The following TMBIM4 variants were observed in gnomAD, a reference collection of about 807,000 sequenced individuals.
The protein encoded by TMBIM4 is transmembrane BAX inhibitor motif containing 4, also known as protein lifeguard 4.
In TMBIM4, 28 loss-of-function variants were observed where a neutral mutation model predicts 27.7. The observed-to-expected ratio is 1.01, with a 90% CI of 0.75 to 1.38. The LOEUF is 1.38. Among genes scored for constraint, TMBIM4 ranks in the 40% most tolerant of loss-of-function variants. The pLI is 0.00. For missense variants in TMBIM4, 265 were observed against 277.5 expected (o/e 0.95, Z 0.32); for synonymous variants, 115 against 113.1 (o/e 1.02, Z -0.11).
intron 1 of TMBIM4, among the ~76,000 whole-genome samples, chr12:66,153,850 T>A (rs2051891665): frequency 6.6e-6 from 1 of 152,188 alleles, no homozygotes. Context: ...TAAGTTTTTT[T>A]ATGTCTTAAT....
chr12:66,155,884 C>T (rs1468530821), intron 1 of TMBIM4, among the ~76,000 whole-genome samples: 2 of 152,128 alleles, frequency 1.3e-5, no homozygotes, highest in African/African-American at 4.8e-5. Context: ...GGCAGTAGTA[C>T]TAAGGATAAT....
At chr12:66,152,406 T>G (rs755934210) in intron 2 of TMBIM4, 30 bp from the exon 3 acceptor site, 28 of 1,484,088 alleles carry the variant, frequency 1.9e-5, no homozygotes, top group African/African-American at 2.8e-5. Flanking sequence ...GTGTTTCAAG[T>G]TAAAGAAAAA....
At chr12:66,149,268 C>T (rs961183896) in intron 3 of TMBIM4, among the ~76,000 whole-genome samples, 38 of 151,510 alleles carry the variant, frequency 2.5e-4, no homozygotes, top group Non-Finnish European at 1.6e-4. Flanking sequence ...CAGCAAAACC[C>T]CCTCTCTACG....
intron 1 of TMBIM4, among the ~76,000 whole-genome samples, chr12:66,167,375 C>CAAGCAGAAAGGG (rs1328377808): frequency 6.6e-6 from 1 of 152,204 alleles, no homozygotes; most frequent in Admixed American, 6.5e-5. Context: ...TATAAGAACT[C>CAAGCAGAAAGGG]TGTTCTTTCT....
At chr12:66,142,183 A>G (rs2051679458) in intron 5 of TMBIM4, among the ~76,000 whole-genome samples, 1 of 152,046 alleles carries the variant, frequency 6.6e-6, no homozygotes, top group Non-Finnish European at 1.5e-5. Context: ...ATGAGAATCT[A>G]GTCCTCAGCT....
At chr12:66,141,437 C>T (rs183007133) in intron 5 of TMBIM4, among the ~76,000 whole-genome samples, 1 of 152,018 alleles carries the variant, frequency 6.6e-6, no homozygotes, top group African/African-American at 2.4e-5. Context: ...ATTAAAAGAA[C>T]TATAGCTAAT....
At chr12:66,148,029 A>C (rs1592540219) in intron 3 of TMBIM4, 88 bp from the exon 4 acceptor site, 2 of 1,197,782 alleles carry the variant, frequency 1.7e-6, no homozygotes, top group East Asian at 2.5e-5. Flanking sequence ...ATGTGATCCC[A>C]TATGAATGAT....
intron 6 of TMBIM4, 69 bp from the exon 7 acceptor site, chr12:66,138,235 C>A: frequency 6.5e-7 from 1 of 1,532,118 alleles, no homozygotes; most frequent in South Asian, 1.3e-5. Flanking sequence ...AACTTACTTC[C>A]TCTAATGATT....
chr12:66,160,430 A>C, intron 1 of TMBIM4: 1 of 558,344 alleles, frequency 1.8e-6, no homozygotes, highest in South Asian at 2.5e-5. Context: ...TCCCTGAGGC[A>C]CTATTTGAAG....
chr12:66,160,340 T>A (rs764232436), intron 1 of TMBIM4: 30 of 614,798 alleles, frequency 4.9e-5, no homozygotes, highest in African/African-American at 9.2e-5. Context: ...ATGCACATAC[T>A]CTTTTGACTC....
rs1276463330 is a variant in TMBIM4 at position 66,137,868 on chromosome 12, AAC to A, written c.*90_*91del. ...TGTTTCAAACTTTATTACTTAATGA[AAC>A]AGTTTCTATATACTGCTTCCAATTA... On this transcript the variant is annotated 3_prime_UTR_variant, in exon 7 of 7. Coordinates refer to ENST00000358230, the MANE Select transcript of TMBIM4 (RefSeq NM_016056.4). 7.3e-6 allele frequency: 7 copies of A among 962,852 alleles called. No homozygotes were observed. The highest frequency in any genetic ancestry group is 5.0e-5 in the African/African-American group (3 of 60,400). The allele number at this position is 962,852 out of a possible 1,614,324, so 59.6% of individuals were successfully genotyped here.
intron 1 of TMBIM4, among the ~76,000 whole-genome samples, chr12:66,155,695 T>C (rs2051924586): frequency 6.6e-6 from 1 of 152,152 alleles, no homozygotes; most frequent in Non-Finnish European, 1.5e-5. Flanking sequence ...ACCCAATCCA[T>C]ATGATATATA....
intron 4 of TMBIM4, among the ~76,000 whole-genome samples, chr12:66,147,547 G>A (rs893009049): frequency 6.6e-6 from 1 of 152,204 alleles, no homozygotes; most frequent in African/African-American, 2.4e-5. Flanking sequence ...AGTTAAAGGA[G>A]TTAAGCTCAT....
rs371130393 is a variant in TMBIM4, at chr12:66,153,296, T to C, written c.206+44A>G. 5.4e-5 allele frequency: 62 copies of C among 1,142,994 alleles called. No homozygotes were observed. The highest frequency in any genetic ancestry group is 6.9e-5 in the Non-Finnish European group (54 of 778,494). 70.8% of individuals were successfully genotyped at this position (1,142,994 alleles called of 1,614,324 possible). A position where few individuals can be genotyped will look rare whatever the true frequency, so the allele number is the denominator to read the frequency against. On this transcript the variant is annotated intron_variant, in intron 2 of 6. Transcript: ENST00000358230. ...TGTTTATAATATGCCTTTTTGATCATATGCAATGTCTGAAAATTATTCATT... is the reference window on the plus strand; with the variant it reads ...TGTTTATAATATGCCTTTTTGATCACATGCAATGTCTGAAAATTATTCATT...
intron 1 of TMBIM4, chr12:66,169,369 A>G (rs964930672): frequency 1.6e-6 from 1 of 643,702 alleles, no homozygotes; most frequent in Non-Finnish European, 2.8e-6. Flanking sequence ...GAGAGGAAAT[A>G]GTGCCGTCAG....
rs1034420265 is a variant in TMBIM4 at position 66,138,154 on chromosome 12, T to C, written c.523A>G (p.Ser175Gly). The change falls in exon 7 of 7, where the codon AGT becomes GGT. Residue 175 changes from serine to glycine, a missense_variant. Physicochemically the swap from Ser to Gly is moderately conservative, Grantham distance 56 (BLOSUM62 0). Transcript: ENST00000358230. ...LSGFLKFFFY[S>G]EIMELVLAAA... ...GCTAAGACCAACTCCATTATCTCAC[T>C]ATAAAAAAAAAACTATAGGGAAGAG... 5 of 1,603,892 alleles carry C rather than the reference T, an allele frequency of 3.1e-6. No homozygotes were observed. The African/African-American group carries it at 6.8e-5, about 22-fold the overall frequency.
At chr12:66,153,498 G>C in intron 1 of TMBIM4, 50 bp from the exon 2 acceptor site, 1 of 1,119,874 alleles carries the variant, frequency 8.9e-7, no homozygotes, top group Non-Finnish European at 1.3e-6. Flanking sequence ...ATTTATCATA[G>C]AACAGTAAAA....
chr12:66,139,193 A>G (rs1322260458), intron 5 of TMBIM4, among the ~76,000 whole-genome samples: 1 of 152,264 alleles, frequency 6.6e-6, no homozygotes, highest in East Asian at 1.9e-4. Context: ...TTCACAATGT[A>G]CTTTCCATTT....
Position 66,136,950 on chromosome 12 carries a change from T to C in TMBIM4, c.*1010A>G, listed in dbSNP as rs947593601. The C allele has an allele frequency of 1.3e-5, 2 of 152,222 alleles. No individual in the cohort carries two copies. Among genetic ancestry groups the C allele is most frequent in the African/African-American group, 4.8e-5 (2 of 41,450 alleles). 9.4% of individuals were successfully genotyped at this position (152,222 alleles called of 1,614,324 possible). A position where few individuals can be genotyped will look rare whatever the true frequency, so the allele number is the denominator to read the frequency against. On this transcript the variant is annotated 3_prime_UTR_variant, in exon 7 of 7. Transcript: ENST00000358230. ...ACCATAAGACAATACTTCCCAAATA[T>C]TTTAATTTTGAAATAGATATACTTA... is the stretch of plus-strand genomic sequence containing the variant.
Sources: gnomAD v4.1 joint callset for allele counts (sites outside exome capture counted in the v4.1 genomes callset) on GRCh38, gnomAD v4.1.1 for gene constraint, MANE v1.5 for transcripts, NCBI Gene and HGNC (gene_info 2026-07-23, HGNC 2026-07-21) for gene names.